DGKI: variants seen among roughly 807,000 people sequenced by gnomAD.
DGKI encodes the protein DAG kinase iota.
DGKI carries 55 observed loss-of-function variants against 147.5 expected under a neutral mutation model. The observed-to-expected ratio is 0.37, with a 90% confidence interval of 0.30 to 0.47. The LOEUF (loss-of-function observed/expected upper bound fraction) is 0.47. Ranked by LOEUF, DGKI falls within the 20% of genes least tolerant of loss-of-function variation. DGKI has a pLI of 1.00. For missense variants in DGKI, 1,007 were observed against 1,323.8 expected (o/e 0.76, Z 3.71); for synonymous variants, 469 against 477.1 (o/e 0.98, Z 0.22).
intron 24 of DGKI, among the ~76,000 whole-genome samples, chr7:137,468,963 T>C (rs1814770162): frequency 6.6e-6 from 1 of 152,094 alleles, no homozygotes; most frequent in African/African-American, 2.4e-5. Flanking sequence ...ATACGGGTAA[T>C]TGGATAGAAA....
In DGKI at chr7:137,444,092, A is replaced by G. The variant is rs1187029908; in HGVS notation, c.2746T>C (p.Ser916Pro). ...TGATTCTTACCATGATCTTCTGAAG[A>G]GACTGGTGACCTAAAAGGAAATAAT... is the stretch of plus-strand genomic sequence containing the variant. Reference protein sequence around the residue: ...SHSRVLQSPVSSEDHAILQAV... With the variant: ...SHSRVLQSPVPSEDHAILQAV... Residue 916 changes from serine to proline, a missense_variant, in exon 28 of 33, where the codon TCT (serine) becomes CCT (proline). By Grantham distance (74) the Ser-to-Pro change is moderately conservative. Transcript: ENST00000614521. 23 of 1,537,296 alleles carry G rather than the reference A, an allele frequency of 1.5e-5. No homozygotes were observed. The highest frequency in any genetic ancestry group is 1.9e-5 in the Non-Finnish European group (21 of 1,132,134).
At chr7:137,693,619 C>T (rs1323238832) in intron 1 of DGKI, among the ~76,000 whole-genome samples, 1 of 152,188 alleles carries the variant, frequency 6.6e-6, no homozygotes, top group Non-Finnish European at 1.5e-5. Context: ...AATCCATCTA[C>T]TAATCTTAAT....
At chr7:137,506,349 T>C (rs1245416434) in intron 21 of DGKI, among the ~76,000 whole-genome samples, 3 of 152,172 alleles carry the variant, frequency 2.0e-5, no homozygotes, top group Non-Finnish European at 2.9e-5. Context: ...AGATGGCAAT[T>C]TGAAAGGCTA....
intron 21 of DGKI, among the ~76,000 whole-genome samples, chr7:137,520,013 T>C (rs1312525373): frequency 6.6e-6 from 1 of 152,098 alleles, no homozygotes; most frequent in African/African-American, 2.4e-5. Context: ...ACTTAAGAAG[T>C]TTCTTCACAT....
At chr7:137,828,715 G>A (rs762926331) in intron 1 of DGKI, among the ~76,000 whole-genome samples, 2 of 152,276 alleles carry the variant, frequency 1.3e-5, no homozygotes, top group African/African-American at 2.4e-5. Context: ...TCCTCCTGGG[G>A]CTTTTGCTCT....
intron 21 of DGKI, among the ~76,000 whole-genome samples, chr7:137,492,464 C>A (rs917416053): frequency 1.3e-5 from 2 of 152,150 alleles, no homozygotes; most frequent in Non-Finnish European, 2.9e-5. Context: ...CAGGGGCTAC[C>A]ATTCATCAGT....
intron 28 of DGKI, among the ~76,000 whole-genome samples, chr7:137,428,517 C>A (rs1254075710): frequency 6.6e-6 from 1 of 152,088 alleles, no homozygotes; most frequent in African/African-American, 2.4e-5. Context: ...TCTCTCACCA[C>A]TCCTATTTGA....
chr7:137,719,323 T>C (rs1233548612), intron 1 of DGKI, among the ~76,000 whole-genome samples: 3 of 152,114 alleles, frequency 2.0e-5, no homozygotes, highest in African/African-American at 4.8e-5. Flanking sequence ...TTTTTAGGAA[T>C]ATCTTTTAAA....
At chr7:137,409,886 GTCTCTCTC>G (rs150607069) in intron 29 of DGKI, among the ~76,000 whole-genome samples, 1 of 149,480 alleles carries the variant, frequency 6.7e-6, no homozygotes, top group Non-Finnish European at 1.5e-5. Flanking sequence ...CGCTCTCTTT[GTCTCTCTC>G]TCTCTCTCTC....
intron 1 of DGKI, among the ~76,000 whole-genome samples, chr7:137,720,545 A>C (rs906338846): frequency 1.5e-4 from 23 of 152,226 alleles, no homozygotes; most frequent in Admixed American, 3.3e-4. Context: ...GGTGTGAGCC[A>C]CCGCGCCCGG....
At chr7:137,705,141 T>C (rs770602256) in intron 1 of DGKI, among the ~76,000 whole-genome samples, 8 of 152,138 alleles carry the variant, frequency 5.3e-5, no homozygotes, top group Non-Finnish European at 1.2e-4. Flanking sequence ...AGAACTCTCA[T>C]ATATTGTTGC....
At chr7:137,802,822 T>C (rs1290773332) in intron 1 of DGKI, among the ~76,000 whole-genome samples, 1 of 152,182 alleles carries the variant, frequency 6.6e-6, no homozygotes, top group Admixed American at 6.5e-5. Context: ...CAACTGCACA[T>C]CTTACTCTGG....
At position 137,585,338 on chromosome 7, in the gene DGKI, A is replaced by G; in HGVS notation, c.1434T>C (p.Thr478=). The G allele has an allele frequency of 1.2e-6, 2 of 1,614,116 alleles. No individual in the cohort carries two copies. Among genetic ancestry groups the G allele is most frequent in the Non-Finnish European group, 1.7e-6 (2 of 1,179,980 alleles). ...ARTLNWGGGY[T]DEPVSKILCQ... ...ACAGGATCTTAGAAACAGGTTCATCAGTGTAGCCCTGAGGAATCAGAGAAC... is the reference window on the plus strand; with the variant it reads ...ACAGGATCTTAGAAACAGGTTCATCGGTGTAGCCCTGAGGAATCAGAGAAC... Residue 478 remains threonine (T), a synonymous_variant, in exon 14 of 33, where the codon ACT becomes ACC. Transcript: ENST00000614521.
At chr7:137,769,256 G>C (rs115643700) in intron 1 of DGKI, among the ~76,000 whole-genome samples, 1 of 152,144 alleles carries the variant, frequency 6.6e-6, no homozygotes, top group Non-Finnish European at 1.5e-5. Context: ...AATGGTGGTC[G>C]AGGGTAAAGT....
chr7:137,599,330 C>T (rs1458696811), intron 11 of DGKI, among the ~76,000 whole-genome samples: 1 of 152,094 alleles, frequency 6.6e-6, no homozygotes, highest in Non-Finnish European at 1.5e-5. Context: ...ATGTCTTCCC[C>T]ACATTTGTGC....
At chr7:137,776,586 A>G (rs909782019) in intron 1 of DGKI, among the ~76,000 whole-genome samples, 1 of 152,234 alleles carries the variant, frequency 6.6e-6, no homozygotes, top group Non-Finnish European at 1.5e-5. Flanking sequence ...CTCTGAGGGT[A>G]GGGGAAGAGG....
At chr7:137,562,882 T>G (rs1188698907) in intron 19 of DGKI, among the ~76,000 whole-genome samples, 2 of 152,112 alleles carry the variant, frequency 1.3e-5, no homozygotes, top group African/African-American at 4.8e-5. Context: ...TTTCAGGAAA[T>G]AGAAGAGAAT....
At chr7:137,719,649 C>T (rs761132302) in intron 1 of DGKI, among the ~76,000 whole-genome samples, 9 of 152,236 alleles carry the variant, frequency 5.9e-5, no homozygotes, top group East Asian at 1.9e-4. Flanking sequence ...AAGATATATA[C>T]GTATTATACT....
At chr7:137,606,307 T>A (rs965288993) in intron 10 of DGKI, among the ~76,000 whole-genome samples, 13 of 151,656 alleles carry the variant, frequency 8.6e-5, no homozygotes, top group East Asian at 3.9e-4. Flanking sequence ...AAGTTAAAAA[T>A]TTTTTAAAAA....
Sources: gnomAD v4.1 joint callset for allele counts (sites outside exome capture counted in the v4.1 genomes callset) on GRCh38, gnomAD v4.1.1 for gene constraint, MANE v1.5 for transcripts, NCBI Gene and HGNC (gene_info 2026-07-23, HGNC 2026-07-21) for gene names.